Variants in UNC13A observed in about 807,000 individuals in gnomAD.
The protein encoded by UNC13A is unc-13 homolog A, also known as protein unc-13 homolog A.
Under a neutral mutation model 219.7 loss-of-function variants are expected in UNC13A, and 61 were observed. The ratio of observed to expected loss-of-function variants is 0.28; its 90% confidence interval spans 0.23 to 0.34. UNC13A has a LOEUF of 0.34. Ranked by LOEUF, UNC13A falls within the 10% of genes least tolerant of loss-of-function variation. The probability of loss-of-function intolerance (pLI) is 1.00; values close to 1 mark genes in which losing one functional copy is unlikely to be tolerated. For synonymous variants in UNC13A, 920 were observed against 884.6 expected (o/e 1.04, Z -0.71); for missense variants, 1,476 against 2,270.3 (o/e 0.65, Z 7.11).
intron 19 of UNC13A, among the ~76,000 whole-genome samples, chr19:17,645,195 G>A (rs2077012728): frequency 6.6e-6 from 1 of 151,762 alleles, no homozygotes; most frequent in South Asian, 2.1e-4. Flanking sequence ...TTTTAGTGGA[G>A]ACGGGGTTTC....
chr19:17,637,277 G>A (rs2076921888), intron 25 of UNC13A, among the ~76,000 whole-genome samples: 1 of 149,760 alleles, frequency 6.7e-6, no homozygotes, highest in Admixed American at 6.7e-5. Flanking sequence ...GCCCAGCCTG[G>A]CTCACTAATT....
chr19:17,646,876 GC>G (rs1185850054), intron 17 of UNC13A, among the ~76,000 whole-genome samples: 2 of 151,428 alleles, frequency 1.3e-5, no homozygotes, highest in African/African-American at 2.4e-5. Flanking sequence ...GTCCCCAGTG[GC>G]CCCAGGATGG....
intron 25 of UNC13A, among the ~76,000 whole-genome samples, 188 bp from the exon 26 acceptor site, chr19:17,636,345 G>A (rs538034693): frequency 6.6e-6 from 1 of 152,302 alleles, no homozygotes; most frequent in South Asian, 2.1e-4. Context: ...TGTCAATGCA[G>A]CTTGATAAAG....
Position 17,627,526 on chromosome 19 carries a change from G to A in UNC13A, c.3903C>T (p.Ser1301=), listed in dbSNP as rs778346011. The A allele has an allele frequency of 1.4e-5, 22 of 1,560,918 alleles. No individual in the cohort carries two copies. The highest frequency in any genetic ancestry group is 1.3e-4 in the South Asian group (11 of 84,536). ...VKLNNVLDEL[S]RVFATSFQPH... The stretch of plus-strand genomic sequence containing the variant: ...GCTCCCACCTGGTAGCAAACACCCG[G>A]CTGAGCTCATCCAAGACGTTATTGA... The change falls in exon 33 of 44, where the codon AGC becomes AGT. Residue 1301 remains serine, a synonymous_variant. Transcript: ENST00000519716. The surrounding 1 kb of genome is among the most constrained non-coding windows in gnomAD (Gnocchi z 4.7).
At chr19:17,660,191 C>T (rs58156034) in intron 8 of UNC13A, among the ~76,000 whole-genome samples, 2,346 of 152,184 alleles carry the variant, frequency 0.015, 65 homozygotes, top group African/African-American at 0.054. Flanking sequence ...TGAGCCACCT[C>T]GGCCGGCCAG....
In UNC13A at chr19:17,645,850, C is replaced by A. The variant is rs781779926; in HGVS notation, c.2187-7G>T. ...GGAGGAATTGTGACATTCACTGTGG[C>A]GGGAGGAGGAGGCAGAGGCAGGGGT... On this transcript the variant is annotated splice_polypyrimidine_tract_variant and splice_region_variant and intron_variant, in intron 18 of 43. Transcript: ENST00000519716. The A allele has an allele frequency of 6.2e-7, 1 of 1,600,528 alleles. No individual in the cohort carries two copies. Among genetic ancestry groups the A allele is most frequent in the Non-Finnish European group, 8.5e-7 (1 of 1,173,498 alleles).
At chr19:17,618,272 C>T (rs1192126545) in intron 40 of UNC13A, 149 bp downstream of exon 40, 1 of 867,932 alleles carries the variant, frequency 1.2e-6, no homozygotes, top group South Asian at 1.7e-5. Context: ...CAGCATTAGC[C>T]AGCCCAGCTC....
At chr19:17,668,070 G>A (rs767444008) in intron 6 of UNC13A, 47 bp downstream of exon 6, 4 of 1,584,128 alleles carry the variant, frequency 2.5e-6, no homozygotes, top group East Asian at 4.5e-5. Flanking sequence ...TGGGGAGACA[G>A]AGACAGAAAC....
chr19:17,672,345 T>C lies in UNC13A; in HGVS notation c.270+33A>G. ...TCTCTGGGCTTCTGCAAGGCACTCCTCCTTCTTCACCCTCAGGCCACCCGC... is the reference window on the plus strand; with the variant it reads ...TCTCTGGGCTTCTGCAAGGCACTCCCCCTTCTTCACCCTCAGGCCACCCGC... On this transcript the variant is annotated intron_variant, in intron 4 of 43. Coordinates refer to ENST00000519716, the MANE Select transcript of UNC13A (RefSeq NM_001080421.3). 3 of 1,584,302 alleles carry C rather than the reference T, an allele frequency of 1.9e-6. No individual in the cohort carries two copies. In the South Asian group the frequency reaches 3.3e-5, roughly 18 times the overall value.
At chr19:17,629,383 G>A (rs192216826) in intron 30 of UNC13A, 60 bp from the exon 31 acceptor site, 86 of 1,471,740 alleles carry the variant, frequency 5.8e-5, no homozygotes, top group Middle Eastern at 5.1e-4. Context: ...GGCGCCAGTC[G>A]TCCCATCAAG....
At position 17,649,521 on chromosome 19, in the gene UNC13A, G is replaced by A. The variant is rs759140176; in HGVS notation, c.1506C>T (p.Leu502=). ...PDIRKRKPIP[L]VSDLAMSLVQ... Reference sequence around the variant, plus strand: ...CGAGGGTGCTTACCAAGTCGCTCACGAGTGGGATAGGTTTCCTCTTGCGGA... The same window carrying A: ...CGAGGGTGCTTACCAAGTCGCTCACAAGTGGGATAGGTTTCCTCTTGCGGA... The change falls in exon 13 of 44, where the codon CTC becomes CTT. Residue 502 remains leucine (L), a synonymous_variant. Coordinates refer to ENST00000519716, the MANE Select transcript of UNC13A (RefSeq NM_001080421.3). This position sits in a 1 kb window ranked among gnomAD's most constrained non-coding sequence, Gnocchi z 4.4. The A allele has an allele frequency of 8.7e-6, 14 of 1,613,802 alleles. No homozygotes were observed. The highest frequency in any genetic ancestry group is 1.3e-5 in the African/African-American group (1 of 74,888).
At chr19:17,642,599 A>C (rs545928685) in intron 20 of UNC13A, among the ~76,000 whole-genome samples, 1 of 152,332 alleles carries the variant, frequency 6.6e-6, no homozygotes, top group East Asian at 1.9e-4. Context: ...GGGCTGGAAT[A>C]GAAGGAAGAA....
chr19:17,652,812 A>G (rs572887306), intron 11 of UNC13A, 135 bp from the exon 12 acceptor site: 65 of 920,228 alleles, frequency 7.1e-5, no homozygotes, highest in Non-Finnish European at 1.1e-4. Context: ...GAGTGATTTT[A>G]GGAAGCTCCG....
At chr19:17,667,396 A>G (rs2079676544) in intron 6 of UNC13A, among the ~76,000 whole-genome samples, 2 of 152,354 alleles carry the variant, frequency 1.3e-5, no homozygotes, top group African/African-American at 4.8e-5. Context: ...AGACCTTAGC[A>G]TCATGCAATA....
At chr19:17,679,404 A>AT (rs1226660414) in intron 1 of UNC13A, among the ~76,000 whole-genome samples, 1 of 150,562 alleles carries the variant, frequency 6.6e-6, no homozygotes, top group East Asian at 1.9e-4. Context: ...TGTCTCAAAA[A>AT]ATATATAATA....
Position 17,649,196 on chromosome 19 carries a change from C to T in UNC13A, c.1524+143G>A, listed in dbSNP as rs2079298873. ...AGAAGGGACCCTGGAAAGTGAGCAG[C>T]CCCGCACCCCTGACTCACAGCATCC... On this transcript the variant is annotated intron_variant, in intron 14 of 43. Transcript: ENST00000519716. This position sits in a 1 kb window ranked among gnomAD's most constrained non-coding sequence, Gnocchi z 4.4. 7.4e-7 allele frequency: 1 copy of T among 1,359,648 alleles called. No homozygotes were observed. The highest frequency in any genetic ancestry group is 1.0e-6 in the Non-Finnish European group (1 of 988,242). The allele number at this position is 1,359,648 out of a possible 1,614,324, so 84.2% of individuals were successfully genotyped here. A position where few individuals can be genotyped will look rare whatever the true frequency, so the allele number is the denominator to read the frequency against.
At chr19:17,623,644 G>A (rs2076753240) in intron 35 of UNC13A, 97 bp from the exon 36 acceptor site, 7 of 596,228 alleles carry the variant, frequency 1.2e-5, no homozygotes, top group Middle Eastern at 9.3e-4. Context: ...ATGGCAGCAC[G>A]GAGGGGCAAG....
At chr19:17,610,170 C>G in intron 42 of UNC13A, 71 bp from the exon 43 acceptor site, 2 of 1,600,192 alleles carry the variant, frequency 1.2e-6, no homozygotes, top group East Asian at 4.5e-5. Context: ...TTGTGGCTCT[C>G]AAAACCTGCC....
chr19:17,653,821 CTTTTTTTTTT>C (rs57243215), intron 11 of UNC13A, among the ~76,000 whole-genome samples: 148 of 78,280 alleles, frequency 1.9e-3, no homozygotes, highest in African/African-American at 7.0e-3. Flanking sequence ...TATCACTTCT[CTTTTTTTTTT>C]TTTTTTTTTT....
Sources: gnomAD v4.1 joint callset for allele counts (sites outside exome capture counted in the v4.1 genomes callset) on GRCh38, gnomAD v4.1.1 for gene constraint, Gnocchi (gnomAD v3.1) non-coding constraint, MANE v1.5 for transcripts, NCBI Gene and HGNC (gene_info 2026-07-23, HGNC 2026-07-21) for gene names.